DLGAP2: variants seen among roughly 807,000 people sequenced by gnomAD.
DLGAP2 encodes DLG associated protein 2.
In DLGAP2, 26 loss-of-function variants were observed where a neutral mutation model predicts 100.3. The ratio of observed to expected loss-of-function variants is 0.26; its 90% CI spans 0.19 to 0.36. The LOEUF (loss-of-function observed/expected upper bound fraction) is 0.36, where lower values mean the gene tolerates loss of function less well. Ranked by LOEUF, DLGAP2 falls within the 10% of genes least tolerant of loss-of-function variation. The pLI, the probability that DLGAP2 is intolerant of heterozygous loss-of-function variation, is 1.00. For missense variants in DLGAP2, 1,858 were observed against 1,453.2 expected, an observed-to-expected ratio of 1.28 and a Z score of -4.53; for synonymous variants, 886 against 630.1, an observed-to-expected ratio of 1.41 and a Z score of -6.08.
At chr8:942,077 G>A (rs568281167) in intron 2 of DLGAP2, among the ~76,000 whole-genome samples, 1 of 152,054 alleles carries the variant, frequency 6.6e-6, no homozygotes, top group African/African-American at 2.4e-5. Context: ...TCCTCCTCTG[G>A]CCTCGAGTCA....
chr8:1,163,946 T>C (rs1386748061), intron 2 of DLGAP2, among the ~76,000 whole-genome samples: 1 of 152,208 alleles, frequency 6.6e-6, no homozygotes, highest in Non-Finnish European at 1.5e-5. Flanking sequence ...GGTGAGGTGG[T>C]GGAGCCGCCT....
At chr8:1,164,925 G>A (rs555347219) in intron 2 of DLGAP2, among the ~76,000 whole-genome samples, 19 of 152,236 alleles carry the variant, frequency 1.2e-4, no homozygotes, top group Admixed American at 4.6e-4. Flanking sequence ...AGATGCAATC[G>A]TGGAAAATGA....
In DLGAP2 at chr8:1,702,165, G is replaced by C. The variant is rs867520624; in HGVS notation, c.*759G>C. ...TCACGCGCAGAGAGGAGAGTCTTAC[G>C]GAGGGCTGGGAGCTTAAAAGGAAAA... On this transcript the variant is annotated 3_prime_UTR_variant, in exon 15 of 15. Coordinates refer to ENST00000637795, the MANE Select transcript of DLGAP2 (RefSeq NM_001346810.2). 6.6e-6 allele frequency: 1 copy of C among 152,172 alleles called. No individual in the cohort carries two copies. Among genetic ancestry groups the C allele is most frequent in the Non-Finnish European group, 1.5e-5 (1 of 68,042 alleles). 9.4% of individuals were successfully genotyped at this position (152,172 alleles called of 1,614,324 possible).
intron 3 of DLGAP2, among the ~76,000 whole-genome samples, chr8:1,356,370 G>C (rs1281605596): frequency 6.6e-6 from 1 of 152,210 alleles, no homozygotes; most frequent in African/African-American, 2.4e-5. Flanking sequence ...GATGTTTAAA[G>C]CTCATTAAGT....
chr8:1,003,300 A>C (rs930199093), intron 2 of DLGAP2: 1 of 152,190 alleles, frequency 6.6e-6, no homozygotes, highest in Non-Finnish European at 1.5e-5. Context: ...TGGCCTCACT[A>C]TCAGGTGGGC....
At chr8:806,729 G>C (rs945090411) in intron 1 of DLGAP2, among the ~76,000 whole-genome samples, 1 of 152,196 alleles carries the variant, frequency 6.6e-6, no homozygotes, top group Admixed American at 6.5e-5. Flanking sequence ...CATTTGCTTC[G>C]CGTAACCATT....
chr8:1,507,881 C>T (rs988254271), intron 4 of DLGAP2, among the ~76,000 whole-genome samples: 2 of 144,618 alleles, frequency 1.4e-5, no homozygotes, highest in African/African-American at 5.8e-5. Context: ...AGGCTTCAGC[C>T]TTGACCTTCC....
chr8:1,503,617 T>G (rs987421492), intron 4 of DLGAP2, among the ~76,000 whole-genome samples: 4 of 152,062 alleles, frequency 2.6e-5, no homozygotes, highest in African/African-American at 9.7e-5. Flanking sequence ...TTCGGTTCAT[T>G]TGGGTAAATG....
intron 2 of DLGAP2, among the ~76,000 whole-genome samples, chr8:1,059,768 G>T (rs918921010): frequency 6.6e-6 from 1 of 152,160 alleles, no homozygotes; most frequent in Non-Finnish European, 1.5e-5. Context: ...CTGTGCAGGC[G>T]CAGTGGTGAC....
intron 2 of DLGAP2, among the ~76,000 whole-genome samples, chr8:916,641 G>A (rs918813028): frequency 5.9e-5 from 9 of 151,920 alleles, no homozygotes; most frequent in African/African-American, 1.9e-4. Context: ...ATGTACCCTA[G>A]AACTTAAAGT....
At chr8:1,041,971 G>C (rs140068333) in intron 2 of DLGAP2, among the ~76,000 whole-genome samples, 1 of 152,194 alleles carries the variant, frequency 6.6e-6, no homozygotes, top group African/African-American at 2.4e-5. Context: ...AGGAGCCTGC[G>C]GGGATTTCTT....
At chr8:1,635,101 A>C (rs977432197) in intron 8 of DLGAP2, among the ~76,000 whole-genome samples, 12 of 152,222 alleles carry the variant, frequency 7.9e-5, no homozygotes, top group African/African-American at 2.9e-4. Context: ...CCTTGTGAAG[A>C]AATAAAAGTA....
intron 4 of DLGAP2, among the ~76,000 whole-genome samples, chr8:1,504,639 G>A (rs1054490361): frequency 5.9e-5 from 9 of 152,118 alleles, no homozygotes; most frequent in East Asian, 1.9e-4. Flanking sequence ...GAGGTCACGC[G>A]GCACCTGTCT....
intron 5 of DLGAP2, among the ~76,000 whole-genome samples, chr8:1,563,561 G>A (rs112817800): frequency 0.076 from 11,553 of 151,502 alleles, 554 homozygotes; most frequent in African/African-American, 0.12. Flanking sequence ...TCCGCGCCTC[G>A]TTGCTGCGGG....
chr8:885,616 C>A (rs1403477960), intron 1 of DLGAP2, among the ~76,000 whole-genome samples: 3 of 152,184 alleles, frequency 2.0e-5, no homozygotes, highest in Admixed American at 2.0e-4. Flanking sequence ...CCCTTTATTT[C>A]TTTCTCTTGC....
intron 2 of DLGAP2, among the ~76,000 whole-genome samples, chr8:956,264 C>G (rs767135864): frequency 1.3e-5 from 2 of 152,200 alleles, no homozygotes; most frequent in African/African-American, 4.8e-5. Context: ...TGAAGACTTG[C>G]AGCCGACAAG....
intron 1 of DLGAP2, among the ~76,000 whole-genome samples, chr8:860,544 A>G (rs768248471): frequency 6.6e-6 from 1 of 152,210 alleles, no homozygotes; most frequent in African/African-American, 2.4e-5. Flanking sequence ...AACCGTCTGC[A>G]TTTGCATAAC....
chr8:1,000,166 GCAGACAGA>G (rs2129017866), intron 2 of DLGAP2, among the ~76,000 whole-genome samples: 1 of 151,246 alleles, frequency 6.6e-6, no homozygotes, highest in East Asian at 2.0e-4. Flanking sequence ...TTTCTCTAGA[GCAGACAGA>G]TCCGGGTGGA....
chr8:1,204,951 C>T (rs1285348986), intron 2 of DLGAP2, among the ~76,000 whole-genome samples: 3 of 152,132 alleles, frequency 2.0e-5, no homozygotes, highest in African/African-American at 7.2e-5. Flanking sequence ...AATGGTCCTC[C>T]AGCAGGATTA....
Sources: gnomAD v4.1 joint callset for allele counts (sites outside exome capture counted in the v4.1 genomes callset) on GRCh38, gnomAD v4.1.1 for gene constraint, MANE v1.5 for transcripts, NCBI Gene and HGNC (gene_info 2026-07-23, HGNC 2026-07-21) for gene names.